CTNND2: variants seen among roughly 807,000 people sequenced by gnomAD.
CTNND2 encodes catenin delta-2.
A neutral mutation model predicts 144.4 loss-of-function variants in CTNND2; 22 were observed. The observed-to-expected ratio is 0.15, with a 90% confidence interval of 0.11 to 0.22. The LOEUF is 0.22. Among genes scored for constraint, CTNND2 ranks in the 10% least tolerant of loss-of-function variants. CTNND2 has a pLI of 1.00. For synonymous variants in CTNND2, 751 were observed against 695.6 expected, an observed-to-expected ratio of 1.08 and a Z score of -1.25; for missense variants, 1,353 against 1,618.8, an observed-to-expected ratio of 0.84 and a Z score of 2.82.
chr5:11,015,707 G>A (rs1461943217), intron 18 of CTNND2, among the ~76,000 whole-genome samples: 1 of 152,192 alleles, frequency 6.6e-6, no homozygotes, highest in Non-Finnish European at 1.5e-5. Context: ...AACAGGAAAC[G>A]TTCAGGATCT....
intron 12 of CTNND2, among the ~76,000 whole-genome samples, chr5:11,118,078 T>C (rs950438008): frequency 2.0e-5 from 3 of 152,234 alleles, no homozygotes; most frequent in East Asian, 1.9e-4. Context: ...AATTTAGTCA[T>C]TGGGATGTGC....
intron 11 of CTNND2, among the ~76,000 whole-genome samples, chr5:11,185,415 G>T (rs1347522498): frequency 6.6e-6 from 1 of 152,204 alleles, no homozygotes; most frequent in African/African-American, 2.4e-5. Context: ...AACTGGAGAA[G>T]AAAGAAGGAA....
chr5:11,514,502 C>A (rs554210680), intron 3 of CTNND2, among the ~76,000 whole-genome samples: 42 of 152,258 alleles, frequency 2.8e-4, no homozygotes, highest in African/African-American at 9.6e-4. Flanking sequence ...AAATCATTTT[C>A]TGTACGTATA....
At chr5:11,042,950 A>G (rs1383515510) in intron 16 of CTNND2, among the ~76,000 whole-genome samples, 1 of 152,152 alleles carries the variant, frequency 6.6e-6, no homozygotes, top group African/African-American at 2.4e-5. Flanking sequence ...CTTAGATGCA[A>G]GATAGTTTAG....
intron 5 of CTNND2, among the ~76,000 whole-genome samples, chr5:11,405,589 AG>A (rs200191749): frequency 2.2e-4 from 33 of 151,200 alleles, no homozygotes; most frequent in African/African-American, 4.9e-4. Context: ...AAAAAAAAAA[AG>A]AGAGAGAAAT....
intron 21 of CTNND2, among the ~76,000 whole-genome samples, chr5:10,978,147 C>T (rs977498882): frequency 6.6e-6 from 1 of 152,170 alleles, no homozygotes; most frequent in Non-Finnish European, 1.5e-5. Context: ...TGGAGGATCC[C>T]TCCTGGTGAA....
At chr5:11,476,034 A>AT (rs376732931) in intron 3 of CTNND2, among the ~76,000 whole-genome samples, 15,588 of 132,196 alleles carry the variant, frequency 0.12, 964 homozygotes, top group Non-Finnish European at 0.14. Context: ...TAATTTTTCT[A>AT]TTTTTTTTTT....
intron 1 of CTNND2, among the ~76,000 whole-genome samples, chr5:11,831,917 G>A (rs529432879): frequency 6.6e-6 from 1 of 152,160 alleles, no homozygotes; most frequent in East Asian, 1.9e-4. Flanking sequence ...GTAAGAGTTA[G>A]GCAAAGATTT....
intron 2 of CTNND2, among the ~76,000 whole-genome samples, chr5:11,613,994 A>G (rs1424364118): frequency 6.6e-5 from 10 of 152,212 alleles, no homozygotes; most frequent in Admixed American, 1.3e-4. Flanking sequence ...ATATACATGC[A>G]TTTATGTAGT....
intron 2 of CTNND2, among the ~76,000 whole-genome samples, chr5:11,699,621 G>A (rs1785327118): frequency 6.6e-6 from 1 of 152,070 alleles, no homozygotes; most frequent in African/African-American, 2.4e-5. Flanking sequence ...GAGATGAAAG[G>A]AATATTTAAA....
At chr5:11,067,175 T>A (rs1188848745) in intron 16 of CTNND2, among the ~76,000 whole-genome samples, 3 of 152,118 alleles carry the variant, frequency 2.0e-5, no homozygotes, top group Non-Finnish European at 4.4e-5. Flanking sequence ...GAACACATTT[T>A]AAAAATCGTC....
intron 15 of CTNND2, among the ~76,000 whole-genome samples, chr5:11,095,935 T>A (rs1280837503): frequency 1.3e-5 from 2 of 152,118 alleles, no homozygotes; most frequent in Non-Finnish European, 2.9e-5. Context: ...TCAACCATTA[T>A]TTTTTAAAAT....
chr5:11,190,166 T>C (rs991195956), intron 11 of CTNND2, among the ~76,000 whole-genome samples: 3 of 152,234 alleles, frequency 2.0e-5, no homozygotes, highest in African/African-American at 4.8e-5. Flanking sequence ...TTAACAGCAA[T>C]GTACTGGGAA....
intron 8 of CTNND2, among the ~76,000 whole-genome samples, chr5:11,361,502 G>A (rs1056316518): frequency 3.9e-5 from 6 of 152,104 alleles, no homozygotes; most frequent in East Asian, 3.9e-4. Flanking sequence ...TGTGACCTTC[G>A]CATATTACTC....
intron 14 of CTNND2, 52 bp downstream of exon 14, chr5:11,110,806 G>C: frequency 6.5e-7 from 1 of 1,530,874 alleles, no homozygotes; most frequent in Non-Finnish European, 8.9e-7. Context: ...ATATATTACA[G>C]TTGCAATTAG....
intron 1 of CTNND2, among the ~76,000 whole-genome samples, chr5:11,822,592 C>T (rs983221738): frequency 6.6e-6 from 1 of 151,928 alleles, no homozygotes; most frequent in Admixed American, 6.6e-5. Context: ...TTATCATTAC[C>T]ACAAATAAGT....
At chr5:11,017,761 C>G (rs896434254) in intron 18 of CTNND2, among the ~76,000 whole-genome samples, 1 of 151,804 alleles carries the variant, frequency 6.6e-6, no homozygotes, top group Non-Finnish European at 1.5e-5. Context: ...AGGGTAAGAC[C>G]CTGTGAGCAC....
chr5:11,301,044 T>C (rs1749550692), intron 9 of CTNND2, among the ~76,000 whole-genome samples: 1 of 151,632 alleles, frequency 6.6e-6, no homozygotes, highest in South Asian at 2.1e-4. Flanking sequence ...GGCTGTTGCA[T>C]GGGCTGGGCT....
At chr5:11,750,468 T>C (rs1334553735) in intron 1 of CTNND2, among the ~76,000 whole-genome samples, 1 of 151,928 alleles carries the variant, frequency 6.6e-6, no homozygotes, top group Non-Finnish European at 1.5e-5. Flanking sequence ...TTTGTTACTT[T>C]GGCATGCCCA....
Sources: gnomAD v4.1 joint callset for allele counts (sites outside exome capture counted in the v4.1 genomes callset) on GRCh38, gnomAD v4.1.1 for gene constraint, MANE v1.5 for transcripts, NCBI Gene and HGNC (gene_info 2026-07-23, HGNC 2026-07-21) for gene names.